Variants in CASP10 observed in about 807,000 individuals in gnomAD.
CASP10 encodes caspase-10.
A neutral mutation model predicts 48.5 loss-of-function variants in CASP10; 41 were observed. The ratio of observed to expected loss-of-function variants is 0.85; its 90% CI spans 0.66 to 1.10. The LOEUF (loss-of-function observed/expected upper bound fraction) is 1.10, where lower values mean the gene tolerates loss of function less well. Ranked by LOEUF, CASP10 falls within the 50% of genes least tolerant of loss-of-function variation. CASP10 has a pLI of 0.00. For missense variants in CASP10, 614 were observed against 614.5 expected, an observed-to-expected ratio of 1.00 and a Z score of 0.01; for synonymous variants, 232 against 238.4, an observed-to-expected ratio of 0.97 and a Z score of 0.25.
At chr2:201,201,528 G>A (rs917841088) in intron 5 of CASP10, among the ~76,000 whole-genome samples, 9 of 152,054 alleles carry the variant, frequency 5.9e-5, no homozygotes, top group African/African-American at 2.2e-4. Context: ...AAATTCAGTG[G>A]TTTCTAAAGG....
Position 201,208,155 on chromosome 2 carries a change from G to A in CASP10, c.894G>A (p.Lys298=), listed in dbSNP as rs775531682. The change falls in exon 8 of 10, where the codon AAG becomes AAA. Residue 298 remains lysine (K), a synonymous_variant. Coordinates refer to ENST00000286186, the MANE Select transcript of CASP10 (RefSeq NM_032977.4). Reference sequence around the variant, plus strand: ...ACAACCACAGCTTTACCTCCCTGAAGGACAGACAAGGAACCCATAAAGATG... The same window carrying A: ...ACAACCACAGCTTTACCTCCCTGAAAGACAGACAAGGAACCCATAAAGATG... The part of the protein sequence containing the change: ...IVNNHSFTSL[K]DRQGTHKDAE... The A allele has an allele frequency of 6.2e-6, 10 of 1,613,832 alleles. No homozygotes were observed. The highest frequency in any genetic ancestry group is 1.3e-5 in the African/African-American group (1 of 74,882).
chr2:201,186,099 AC>A lies in CASP10; in HGVS notation c.325del (p.Arg109AspfsTer23). On this transcript the variant is annotated frameshift_variant, in exon 2 of 10. Transcript: ENST00000286186. LOFTEE classifies it high-confidence loss of function. The part of the protein sequence containing the change: ...TKEEVERLLP[T>X]RQRVSLFRNL... ...AGAGGAAGTGGAGCGACTGCTGCCC[AC>A]CCGACAAAGGGTTTCTCTGTTTAGG... 6.2e-7 allele frequency: 1 copy of A among 1,612,116 alleles called. No individual in the cohort carries two copies. The highest frequency in any genetic ancestry group is 8.5e-7 in the Non-Finnish European group (1 of 1,179,974).
rs553212718 is a variant in CASP10 at position 201,218,784 on chromosome 2, C to G, written c.*1043C>G. On this transcript the variant is annotated 3_prime_UTR_variant, in exon 10 of 10. Transcript: ENST00000286186. Reference sequence around the variant, plus strand: ...CCACCCTCTCTCTGATCTCCCCCTTCCTAAGACTTCTCTTTTGCACATCTA... The same window carrying G: ...CCACCCTCTCTCTGATCTCCCCCTTGCTAAGACTTCTCTTTTGCACATCTA... 2.0e-6 allele frequency: 2 copies of G among 985,356 alleles called. No individual in the cohort carries two copies. The highest frequency in any genetic ancestry group is 2.4e-6 in the Non-Finnish European group (2 of 829,996). The allele number at this position is 985,356 out of a possible 1,614,324, so 61.0% of individuals were successfully genotyped here. A position where few individuals can be genotyped will look rare whatever the true frequency, so the allele number is the denominator to read the frequency against.
chr2:201,193,638 A>G (rs1304781842), intron 4 of CASP10, among the ~76,000 whole-genome samples: 2 of 152,250 alleles, frequency 1.3e-5, no homozygotes, highest in East Asian at 3.8e-4. Flanking sequence ...AGTTGAGGAT[A>G]TAGCAAAGTA....
At position 201,218,514 on chromosome 2, in the gene CASP10, C is replaced by A; in HGVS notation, c.*773C>A. On this transcript the variant is annotated 3_prime_UTR_variant, in exon 10 of 10. Transcript: ENST00000286186. ...ATGGGGTTTCACTATGTTGCCTAAG[C>A]TGGTCTCAAACTCCTGGGCTCAAGC... 1.3e-6 allele frequency: 1 copy of A among 797,128 alleles called. No homozygotes were observed. The highest frequency in any genetic ancestry group is 1.5e-6 in the Non-Finnish European group (1 of 658,746). The allele number at this position is 797,128 out of a possible 1,614,324, so 49.4% of individuals were successfully genotyped here.
chr2:201,227,756 T>C (rs1945807199), intron 9 of CASP10, among the ~76,000 whole-genome samples: 1 of 151,812 alleles, frequency 6.6e-6, no homozygotes, highest in Non-Finnish European at 1.5e-5. Flanking sequence ...AGACAGGGTT[T>C]CACTGTGTTA....
At chr2:201,205,831 A>C (rs768289113) in intron 6 of CASP10, 51 bp from the exon 7 acceptor site, 1 of 1,101,784 alleles carries the variant, frequency 9.1e-7, no homozygotes, top group African/African-American at 1.5e-5. Flanking sequence ...TCAGTGAAGA[A>C]ATCTAAGTGC....
At chr2:201,208,451 G>C (rs566998504) in intron 8 of CASP10, 4 of 716,700 alleles carry the variant, frequency 5.6e-6, no homozygotes, top group Non-Finnish European at 6.8e-6. Context: ...GTGAGCTCCA[G>C]CTCCACCACT....
chr2:201,187,658 C>A, intron 2 of CASP10, 48 bp from the exon 3 acceptor site: 1 of 1,300,510 alleles, frequency 7.7e-7, no homozygotes. Flanking sequence ...ATTATGGTGT[C>A]CTCCACAAGT....
At chr2:201,184,687 C>G (rs755759631) in intron 1 of CASP10, among the ~76,000 whole-genome samples, 3 of 152,210 alleles carry the variant, frequency 2.0e-5, no homozygotes, top group Non-Finnish European at 4.4e-5. Flanking sequence ...ATATTGACTA[C>G]ATACCTCAAG....
At chr2:201,209,615 T>C (rs1559309947) in intron 9 of CASP10, 53 bp downstream of exon 9, 1 of 1,539,040 alleles carries the variant, frequency 6.5e-7, no homozygotes, top group Non-Finnish European at 8.8e-7. Context: ...TATTTATTTT[T>C]TATTTTACTC....
chr2:201,223,948 G>A (rs758736667), downstream of CASP10, among the ~76,000 whole-genome samples: 36 of 151,666 alleles, frequency 2.4e-4, no homozygotes, highest in Non-Finnish European at 5.3e-4. Flanking sequence ...CTACAGGCAG[G>A]TGTTTTTTAA....
intron 9 of CASP10, chr2:201,214,887 A>C (rs1945519475): frequency 6.6e-6 from 1 of 152,124 alleles, no homozygotes; most frequent in Admixed American, 6.6e-5. Flanking sequence ...TGGGACTGAT[A>C]GACTAATACC....
At chr2:201,191,052 G>T (rs1944594936) in intron 3 of CASP10, among the ~76,000 whole-genome samples, 3 of 151,746 alleles carry the variant, frequency 2.0e-5, no homozygotes, top group Admixed American at 2.0e-4. Flanking sequence ...AGTAGAGGTG[G>T]GGTTTCACCA....
chr2:201,228,997 A>G, exon 10 of CASP10: 1 of 1,614,150 alleles, frequency 6.2e-7, no homozygotes, highest in Non-Finnish European at 8.5e-7. Context: ...GTGGGGTGCT[A>G]AACAGATCTC....
Position 201,218,338 on chromosome 2 carries a change from C to T in CASP10, c.*597C>T, listed in dbSNP as rs543675659. 4.0e-5 allele frequency: 40 copies of T among 988,328 alleles called. No individual in the cohort carries two copies. The highest frequency in any genetic ancestry group is 9.2e-5 in the South Asian group (2 of 21,832). The allele number at this position is 988,328 out of a possible 1,614,324, so 61.2% of individuals were successfully genotyped here. A position where few individuals can be genotyped will look rare whatever the true frequency, so the allele number is the denominator to read the frequency against. On this transcript the variant is annotated 3_prime_UTR_variant, in exon 10 of 10. Coordinates refer to ENST00000286186, the MANE Select transcript of CASP10 (RefSeq NM_032977.4). ...CTTTTTCTTTGAGACAGAGTCACTC[C>T]GTCACCTGGGCTGGAGTGCAGTGGT...
At chr2:201,224,937 CTG>C (rs1265478128), downstream of CASP10, among the ~76,000 whole-genome samples, 7 of 152,188 alleles carry the variant, frequency 4.6e-5, no homozygotes, top group African/African-American at 1.4e-4. Context: ...ATTATTCACT[CTG>C]TGTTTGTCAC....
intron 1 of CASP10, among the ~76,000 whole-genome samples, chr2:201,185,394 G>C (rs1944380320): frequency 6.6e-6 from 1 of 152,150 alleles, no homozygotes; most frequent in African/African-American, 2.4e-5. Context: ...ATAGAGCCAA[G>C]TGCTATTTCT....
At chr2:201,188,780 TTC>T (rs1277959724) in intron 3 of CASP10, among the ~76,000 whole-genome samples, 2 of 152,170 alleles carry the variant, frequency 1.3e-5, no homozygotes, top group African/African-American at 2.4e-5. Flanking sequence ...GTACCTGATT[TTC>T]TCTCTCTTTT....
Sources: gnomAD v4.1 joint callset for allele counts (sites outside exome capture counted in the v4.1 genomes callset) on GRCh38, gnomAD v4.1.1 for gene constraint, MANE v1.5 for transcripts, NCBI Gene and HGNC (gene_info 2026-07-23, HGNC 2026-07-21) for gene names.